Variants in SPATA13 observed in about 807,000 individuals in gnomAD.
The protein encoded by SPATA13 is spermatogenesis associated 13, also known as spermatogenesis-associated protein 13.
A neutral mutation model predicts 104.0 loss-of-function variants in SPATA13; 50 were observed. That is an observed-to-expected ratio of 0.48 (90% CI 0.38 to 0.61). SPATA13 has a LOEUF of 0.61. SPATA13 is among the 20% of genes least tolerant of loss of function. The pLI, the probability that SPATA13 is intolerant of heterozygous loss-of-function variation, is 0.00. For synonymous variants in SPATA13, 606 were observed against 667.5 expected, an observed-to-expected ratio of 0.91 and a Z score of 1.42; for missense variants, 1,524 against 1,690.6, an observed-to-expected ratio of 0.90 and a Z score of 1.73.
chr13:24,163,630 A>G (rs563912843), intron 1 of SPATA13, among the ~76,000 whole-genome samples: 12 of 152,294 alleles, frequency 7.9e-5, no homozygotes, highest in East Asian at 5.8e-4. Context: ...TAGTATTTCT[A>G]CTTTACAGAT....
intron 1 of SPATA13, among the ~76,000 whole-genome samples, chr13:24,186,948 C>T (rs554174486): frequency 3.1e-4 from 47 of 152,170 alleles, no homozygotes; most frequent in African/African-American, 9.4e-4. Context: ...TTAAAAAGAG[C>T]CTCATTATGG....
At chr13:24,172,432 A>G (rs1309476102) in intron 1 of SPATA13, among the ~76,000 whole-genome samples, 1 of 152,230 alleles carries the variant, frequency 6.6e-6, no homozygotes, top group African/African-American at 2.4e-5. Context: ...ACTCCGTCGT[A>G]GTCCTAGATC....
chr13:24,163,926 T>C (rs1428375152), intron 1 of SPATA13, among the ~76,000 whole-genome samples: 1 of 152,240 alleles, frequency 6.6e-6, no homozygotes, highest in Non-Finnish European at 1.5e-5. Context: ...TGCTTTCCTT[T>C]CTTTTTTGTC....
intron 4 of SPATA13, among the ~76,000 whole-genome samples, chr13:24,275,779 C>T (rs748141659): frequency 6.6e-6 from 1 of 152,140 alleles, no homozygotes; most frequent in Non-Finnish European, 1.5e-5. Flanking sequence ...ACTAAAAATA[C>T]AAAAATTAGC....
chr13:24,274,140 G>A (rs143459429), intron 4 of SPATA13, among the ~76,000 whole-genome samples: 4 of 152,168 alleles, frequency 2.6e-5, no homozygotes, highest in African/African-American at 7.2e-5. Context: ...ATTGGCTAAC[G>A]CAGAGGTTTC....
chr13:24,223,678 G>A lies in SPATA13; in HGVS notation c.749G>A (p.Arg250Lys), dbSNP rs1314579670. 1.3e-6 allele frequency: 2 copies of A among 1,552,124 alleles called. No homozygotes were observed. Among genetic ancestry groups the A allele is most frequent in the Non-Finnish European group, 1.7e-6 (2 of 1,147,126 alleles). ...RDPENNSMGYRRSKSTDNLAF... is the reference protein window; with the variant it reads ...RDPENNSMGYKRSKSTDNLAF... Reference sequence around the variant, plus strand: ...CCTGAAAACAACAGCATGGGCTACAGGAGGAGCAAGAGCACGGACAATCTT... The same window carrying A: ...CCTGAAAACAACAGCATGGGCTACAAGAGGAGCAAGAGCACGGACAATCTT... The change falls in exon 2 of 13, where the codon AGG (arginine) becomes AAG (lysine). Residue 250 changes from arginine to lysine, a missense_variant. Physicochemically the swap from Arg to Lys is conservative, Grantham distance 26 (BLOSUM62 2). Coordinates refer to ENST00000382108, the MANE Select transcript of SPATA13 (RefSeq NM_001166271.3).
At chr13:24,146,374 G>C (rs1174107676) in intron 3 of SPATA13, among the ~76,000 whole-genome samples, 2 of 152,160 alleles carry the variant, frequency 1.3e-5, no homozygotes, top group Non-Finnish European at 2.9e-5. Context: ...CTCTCCCTGC[G>C]GCCAGGCCAG....
At position 24,129,608 on chromosome 13, in the gene SPATA13, A is replaced by G. The variant is rs866307490; in HGVS notation, c.-111-93211A>G. On this transcript the variant is annotated intron_variant, in intron 3 of 14. Transcript: ENST00000424834. ...CTGCCTGAAGTCAGAGGAGACGGGC[A>G]GGGCCACCCTATGTATGGAATCAAA... Among the ~76,000 whole-genome samples, 22 of 152,314 alleles carry G rather than the reference A, an allele frequency of 1.4e-4. 1 individual carries two copies. Among genetic ancestry groups the G allele is most frequent in the South Asian group, 2.1e-4 (1 of 4,832 alleles).
intron 4 of SPATA13, among the ~76,000 whole-genome samples, chr13:24,277,327 C>T (rs1343276474): frequency 1.3e-5 from 2 of 151,772 alleles, no homozygotes; most frequent in Non-Finnish European, 2.9e-5. Context: ...GCCTGTAGTC[C>T]CAGCTACTCG....
rs561277272 is a variant in SPATA13 at position 23,981,826 on chromosome 13, A to G, written c.-353-1901A>G. ...TTAAATCCTCACTACCTGAATGACT[A>G]TATTTTTTGATCATTCATAATGGTA... is the stretch of plus-strand genomic sequence containing the variant. On this transcript the variant is annotated intron_variant, in intron 1 of 14. Transcript: ENST00000424834. Among the ~76,000 whole-genome samples, 28 of 152,324 alleles carry G rather than the reference A, an allele frequency of 1.8e-4. No homozygotes were observed. The Middle Eastern group carries it at 0.01, about 56-fold the overall frequency.
rs1200777539 is a variant in SPATA13, at chr13:24,223,874, G to C, written c.945G>C (p.Lys315Asn). The stretch of plus-strand genomic sequence containing the variant: ...GCTGGAGGAGCCCGATAAGGGCCAA[G>C]GACTTTGACAGAGTCTTCAAACTTG... ...TKRWRSPIRA[K>N]DFDRVFKLVS... is the part of the protein sequence containing the mutation. The change falls in exon 2 of 13, where the codon AAG becomes AAC. Residue 315 changes from lysine (K) to asparagine (N), a missense_variant. Around this residue, in one of 2 missense-constraint regions of SPATA13, gnomAD observed 1,089 missense variants for 1,135.9 expected, o/e 0.96. Coordinates refer to ENST00000382108, the MANE Select transcript of SPATA13 (RefSeq NM_001166271.3). 3 of 1,551,606 alleles carry C rather than the reference G, an allele frequency of 1.9e-6. No homozygotes were observed. Among genetic ancestry groups the C allele is most frequent in the Non-Finnish European group, 2.6e-6 (3 of 1,147,016 alleles).
chr13:24,191,599 A>T (rs61948467), intron 1 of SPATA13, among the ~76,000 whole-genome samples: 44,391 of 137,382 alleles, frequency 0.32, 7,208 homozygotes, highest in East Asian at 0.46. Flanking sequence ...AAGCTCTGCC[A>T]CCTGGGTTCA....
intron 2 of SPATA13, among the ~76,000 whole-genome samples, chr13:23,996,019 G>A (rs186497281): frequency 5.8e-4 from 88 of 152,326 alleles, no homozygotes; most frequent in African/African-American, 2.0e-3. Flanking sequence ...GAGAACTCAG[G>A]TTGCTCATTC....
At chr13:24,270,209 G>T (rs1874506306) in intron 4 of SPATA13, among the ~76,000 whole-genome samples, 1 of 152,102 alleles carries the variant, frequency 6.6e-6, no homozygotes, top group Non-Finnish European at 1.5e-5. Context: ...AAGTATAGAA[G>T]AGTATAGAGG....
intron 3 of SPATA13, among the ~76,000 whole-genome samples, chr13:24,114,955 C>A (rs1389867928): frequency 6.6e-6 from 1 of 152,076 alleles, no homozygotes; most frequent in Non-Finnish European, 1.5e-5. Flanking sequence ...AGCCACTACA[C>A]CCAGCCCCTT....
chr13:24,207,926 A>G (rs4770628), intron 1 of SPATA13, among the ~76,000 whole-genome samples: 104,385 of 151,968 alleles, frequency 0.69, 36,106 homozygotes, highest in South Asian at 0.83. Flanking sequence ...TGTGAAATGG[A>G]TGTGATAATA....
At chr13:24,114,647 G>C in intron 3 of SPATA13, among the ~76,000 whole-genome samples, 1 of 149,672 alleles carries the variant, frequency 6.7e-6, no homozygotes, top group East Asian at 1.9e-4. Context: ...TTTTTTTTTT[G>C]TTGTTGTTTT....
upstream of SPATA13, among the ~76,000 whole-genome samples, chr13:24,157,543 G>GC (rs1279827759): frequency 1.3e-5 from 2 of 152,136 alleles, no homozygotes; most frequent in Non-Finnish European, 2.9e-5. Context: ...CTCGTGATCT[G>GC]CCCGTCTTGG....
intron 3 of SPATA13, among the ~76,000 whole-genome samples, chr13:24,083,871 C>A (rs75957959): frequency 0.02 from 3,111 of 152,244 alleles, 100 homozygotes; most frequent in African/African-American, 0.07. Flanking sequence ...AAAAAACCCC[C>A]GTCTGGAGAT....
Sources: allele counts gnomAD v4.1 joint callset (sites outside exome capture counted in the v4.1 genomes callset), GRCh38; gene constraint gnomAD v4.1.1; regional missense constraint gnomAD v4.1.1; transcripts MANE v1.5; gene names NCBI Gene and HGNC (gene_info 2026-07-23, HGNC 2026-07-21).